The following AFDN variants were observed in gnomAD, a reference collection of about 807,000 sequenced individuals.
The protein encoded by AFDN is afadin, adherens junction formation factor.
A neutral mutation model predicts 216.6 loss-of-function variants in AFDN; 68 were observed. The ratio of observed to expected loss-of-function variants is 0.31; its 90% CI spans 0.26 to 0.38. The LOEUF is 0.38. AFDN is among the 10% of genes least tolerant of loss of function. The pLI, the probability that AFDN is intolerant of heterozygous loss-of-function variation, is 1.00. For synonymous variants in AFDN, 868 were observed against 853.7 expected (o/e 1.02, Z -0.29); for missense variants, 2,136 against 2,342.0 (o/e 0.91, Z 1.82).
chr6:167,963,054 A>C (rs1797197194), intron 31 of AFDN: 13 of 1,070,908 alleles, frequency 1.2e-5, no homozygotes, highest in Non-Finnish European at 1.5e-5. Context: ...CAGATGGCTT[A>C]GAAAACATGA....
chr6:167,966,769 G>A (rs1443474318), intron 32 of AFDN, among the ~76,000 whole-genome samples: 2 of 152,244 alleles, frequency 1.3e-5, no homozygotes, highest in Non-Finnish European at 1.5e-5. Context: ...TGGTGGTTTG[G>A]TTGGTGTGGC....
At chr6:167,837,073 T>C (rs1780524047) in intron 1 of AFDN, among the ~76,000 whole-genome samples, 2 of 152,198 alleles carry the variant, frequency 1.3e-5, no homozygotes, top group South Asian at 4.1e-4. Context: ...ATAAAAAATA[T>C]ATTTTATTAC....
chr6:167,858,964 C>G (rs1783211502), intron 1 of AFDN, among the ~76,000 whole-genome samples: 1 of 151,104 alleles, frequency 6.6e-6, no homozygotes, highest in Non-Finnish European at 1.5e-5. Flanking sequence ...TTTCTAGGAG[C>G]TTTATAGGAA....
At chr6:167,928,556 G>A (rs1433881775) in intron 23 of AFDN, among the ~76,000 whole-genome samples, 1 of 152,242 alleles carries the variant, frequency 6.6e-6, no homozygotes, top group Non-Finnish European at 1.5e-5. Flanking sequence ...TGGGAGGGAA[G>A]AGGGGAAGGA....
chr6:167,929,202 G>C (rs1792951867), intron 23 of AFDN, among the ~76,000 whole-genome samples: 1 of 151,002 alleles, frequency 6.6e-6, no homozygotes. Context: ...GTGAAAAGTA[G>C]AGTGTAAATT....
rs1416570985 is a variant in AFDN, at chr6:167,864,962, T to A, written c.301+216T>A. 5.6e-6 allele frequency: 4 copies of A among 717,956 alleles called. No individual in the cohort carries two copies. In the East Asian group the frequency reaches 1.0e-4, roughly 18 times the overall value. The allele number at this position is 717,956 out of a possible 1,614,324, so 44.5% of individuals were successfully genotyped here. A position where few individuals can be genotyped will look rare whatever the true frequency, so the allele number is the denominator to read the frequency against. ...CACATATATCTGTTGGAAGTTAGAA[T>A]GAATATATTAATTTTGCATATGCTT... is the stretch of plus-strand genomic sequence containing the variant. On this transcript the variant is annotated intron_variant, in intron 2 of 33. Coordinates refer to ENST00000683244, the MANE Select transcript of AFDN (RefSeq NM_001386888.1).
intron 6 of AFDN, among the ~76,000 whole-genome samples, chr6:167,884,085 TC>T (rs1786484721): frequency 6.6e-6 from 1 of 152,234 alleles, no homozygotes; most frequent in African/African-American, 2.4e-5. Context: ...GAAACTACTT[TC>T]TTTGCTTATT....
rs544123491 is a variant in AFDN, at chr6:167,931,543, A to G, written c.3099+6452A>G. Reference sequence around the variant, plus strand: ...AAGCATCTGTTAATGCCTTTTCTTGAAATGAGAGAAATGAATCTAGCAGTT... The same window carrying G: ...AAGCATCTGTTAATGCCTTTTCTTGGAATGAGAGAAATGAATCTAGCAGTT... On this transcript the variant is annotated intron_variant, in intron 23 of 33. Coordinates refer to ENST00000683244, the MANE Select transcript of AFDN (RefSeq NM_001386888.1). Among the ~76,000 whole-genome samples the G allele has an allele frequency of 2.6e-5, 4 of 152,264 alleles. No homozygotes were observed. The South Asian group carries it at 8.3e-4, about 32-fold the overall frequency.
chr6:167,880,607 C>T (rs746840146), intron 6 of AFDN, 90 bp downstream of exon 6: 2 of 1,272,996 alleles, frequency 1.6e-6, no homozygotes, highest in South Asian at 1.3e-5. Context: ...GATTTTCAGC[C>T]TACCATATCA....
At position 167,962,676 on chromosome 6, in the gene AFDN, CA is replaced by C; in HGVS notation, c.4968+110del. The C allele has an allele frequency of 6.4e-7, 1 of 1,571,890 alleles. No homozygotes were observed. Among genetic ancestry groups the C allele is most frequent in the Non-Finnish European group, 8.6e-7 (1 of 1,157,530 alleles). ...TCTGTGTTTCTTAAGAAGCACGAGG[CA>C]GAGCAGGGCCTGGCTCCCCCAGCTT... On this transcript the variant is annotated intron_variant, in intron 31 of 33. Transcript: ENST00000683244. This position sits in a 1 kb window ranked among gnomAD's most constrained non-coding sequence, Gnocchi z 5.2.
chr6:167,950,308 A>G (rs1052250884), intron 29 of AFDN, among the ~76,000 whole-genome samples: 7 of 152,140 alleles, frequency 4.6e-5, no homozygotes, highest in African/African-American at 1.4e-4. Context: ...CATAGTGATC[A>G]TGTTTATCTG....
intron 12 of AFDN, among the ~76,000 whole-genome samples, chr6:167,906,495 A>G (rs991958184): frequency 1.3e-5 from 2 of 152,210 alleles, no homozygotes; most frequent in Admixed American, 6.5e-5. Flanking sequence ...GAAATTTTAC[A>G]TGAAATTTTT....
intron 2 of AFDN, among the ~76,000 whole-genome samples, chr6:167,869,358 C>T (rs2128243290): frequency 6.6e-6 from 1 of 152,082 alleles, no homozygotes; most frequent in South Asian, 2.1e-4. Context: ...TAAAAAAAAA[C>T]TAAAATTCTG....
chr6:167,889,113 G>A (rs1296604841), intron 6 of AFDN, 102 bp from the exon 7 acceptor site: 5 of 705,490 alleles, frequency 7.1e-6, no homozygotes, highest in Non-Finnish European at 9.6e-6. Context: ...TTAATTCTAC[G>A]GTGACATTTT....
intron 6 of AFDN, among the ~76,000 whole-genome samples, chr6:167,886,114 CTTT>C (rs1786775645): frequency 6.6e-6 from 1 of 151,494 alleles, no homozygotes; most frequent in African/African-American, 2.4e-5. Flanking sequence ...TTCCCTTGTG[CTTT>C]TTCTGTATTT....
chr6:167,941,721 GT>G (rs1794704644), intron 23 of AFDN, among the ~76,000 whole-genome samples: 1 of 68,054 alleles, frequency 1.5e-5, no homozygotes, highest in Non-Finnish European at 2.7e-5. Flanking sequence ...AGGGGTGAGG[GT>G]GGAAACCATC....
intron 30 of AFDN, among the ~76,000 whole-genome samples, chr6:167,957,750 G>A (rs890228974): frequency 4.0e-5 from 6 of 151,834 alleles, no homozygotes; most frequent in Admixed American, 6.6e-5. Context: ...GGAGGTGGCC[G>A]TGACTGTGGC....
At chr6:167,955,565 G>T (rs1031397247) in intron 30 of AFDN, among the ~76,000 whole-genome samples, 1 of 152,120 alleles carries the variant, frequency 6.6e-6, no homozygotes, top group Non-Finnish European at 1.5e-5. Context: ...ATGACACGGT[G>T]GGCACTGACC....
intron 23 of AFDN, among the ~76,000 whole-genome samples, chr6:167,931,483 C>T (rs1163697216): frequency 6.6e-6 from 1 of 151,976 alleles, no homozygotes; most frequent in African/African-American, 2.4e-5. Flanking sequence ...AAGAAAATGG[C>T]CTGTTAATTG....
Sources: gnomAD v4.1 joint callset for allele counts (sites outside exome capture counted in the v4.1 genomes callset) on GRCh38, gnomAD v4.1.1 for gene constraint, Gnocchi (gnomAD v3.1) non-coding constraint, MANE v1.5 for transcripts, NCBI Gene and HGNC (gene_info 2026-07-23, HGNC 2026-07-21) for gene names.